Variants in SUSD5 observed in about 807,000 individuals in gnomAD.
SUSD5 encodes the protein sushi domain-containing protein 5.
In SUSD5, 33 loss-of-function variants were observed where a neutral mutation model predicts 29.5. That is an observed-to-expected ratio of 1.12 (90% CI 0.85 to 1.49). SUSD5 has a LOEUF of 1.49. Ranked by LOEUF, SUSD5 falls within the 40% of genes most tolerant of loss-of-function variation. SUSD5 has a pLI of 0.00. For missense variants in SUSD5, 776 were observed against 800.6 expected, an observed-to-expected ratio of 0.97 and a Z score of 0.37; for synonymous variants, 308 against 325.3, an observed-to-expected ratio of 0.95 and a Z score of 0.57.
chr3:33,183,221 T>C (rs1392238013), intron 3 of SUSD5, among the ~76,000 whole-genome samples: 2 of 152,218 alleles, frequency 1.3e-5, no homozygotes, highest in Admixed American at 6.5e-5. Context: ...ATCTAGACCA[T>C]TGATGTCTAA....
At chr3:33,172,875 G>A (rs2031466373) in intron 4 of SUSD5, among the ~76,000 whole-genome samples, 2 of 152,068 alleles carry the variant, frequency 1.3e-5, no homozygotes, top group Admixed American at 1.3e-4. Context: ...GTATTAATCA[G>A]CTAATGACTA....
At chr3:33,159,623 TAA>T (rs1402553269) in intron 4 of SUSD5, among the ~76,000 whole-genome samples, 1 of 152,108 alleles carries the variant, frequency 6.6e-6, no homozygotes, top group Non-Finnish European at 1.5e-5. Flanking sequence ...TGAAAATATC[TAA>T]GTGTTCCAGT....
At chr3:33,180,717 G>A (rs2031651231) in intron 3 of SUSD5, among the ~76,000 whole-genome samples, 1 of 152,026 alleles carries the variant, frequency 6.6e-6, no homozygotes, top group Non-Finnish European at 1.5e-5. Context: ...GTGCATGCCT[G>A]TAATCTCAGT....
At chr3:33,208,558 G>A (rs1454616195) in intron 2 of SUSD5, among the ~76,000 whole-genome samples, 4 of 151,790 alleles carry the variant, frequency 2.6e-5, no homozygotes, top group Admixed American at 1.3e-4. Context: ...CTTTTTATTA[G>A]TTCTGCCCAT....
chr3:33,179,520 T>C (rs959311001), intron 3 of SUSD5, among the ~76,000 whole-genome samples: 4 of 152,186 alleles, frequency 2.6e-5, no homozygotes, highest in African/African-American at 7.2e-5. Flanking sequence ...CTCCTAGATA[T>C]AGGCAGAACC....
intron 3 of SUSD5, among the ~76,000 whole-genome samples, chr3:33,191,552 G>C (rs2031891677): frequency 6.6e-6 from 1 of 152,072 alleles, no homozygotes; most frequent in African/African-American, 2.4e-5. Flanking sequence ...AATATCCTTA[G>C]AATAAAATAC....
intron 2 of SUSD5, among the ~76,000 whole-genome samples, chr3:33,209,317 T>A (rs1445195699): frequency 6.6e-6 from 1 of 152,210 alleles, no homozygotes; most frequent in Non-Finnish European, 1.5e-5. Context: ...TGAATCTGTG[T>A]CTGGATGTTT....
At chr3:33,208,104 A>G (rs12489019) in intron 2 of SUSD5, among the ~76,000 whole-genome samples, 178 bp from the exon 3 acceptor site, 3,091 of 152,312 alleles carry the variant, frequency 0.02, 57 homozygotes, top group East Asian at 0.083. Context: ...TCAGAAATAC[A>G]GGTGATGCTT....
chr3:33,206,524 C>T (rs2032223350), intron 3 of SUSD5, among the ~76,000 whole-genome samples: 1 of 152,044 alleles, frequency 6.6e-6, no homozygotes. Context: ...AGTCACATCT[C>T]TCAGTTGCTT....
intron 4 of SUSD5, among the ~76,000 whole-genome samples, chr3:33,169,559 A>G (rs566180626): frequency 6.6e-6 from 1 of 152,306 alleles, no homozygotes; most frequent in Admixed American, 6.5e-5. Flanking sequence ...ATGGTATGCA[A>G]ATTAAACCCA....
chr3:33,200,781 G>A (rs1201783531), intron 3 of SUSD5, among the ~76,000 whole-genome samples: 5 of 152,184 alleles, frequency 3.3e-5, no homozygotes, highest in Admixed American at 1.3e-4. Flanking sequence ...CAGCAGAAAA[G>A]CAATGCTTGT....
At chr3:33,155,484 G>A (rs1219792270) in intron 4 of SUSD5, among the ~76,000 whole-genome samples, 1 of 152,186 alleles carries the variant, frequency 6.6e-6, no homozygotes. Flanking sequence ...GAACAACCAC[G>A]ATGGAAAACT....
intron 3 of SUSD5, among the ~76,000 whole-genome samples, chr3:33,180,878 C>T (rs1349005776): frequency 2.0e-5 from 3 of 147,712 alleles, no homozygotes; most frequent in Non-Finnish European, 4.5e-5. Flanking sequence ...GACATAGGGT[C>T]TTACTATGTT....
chr3:33,217,733 G>A (rs1003675349), intron 1 of SUSD5, among the ~76,000 whole-genome samples: 1 of 148,616 alleles, frequency 6.7e-6, no homozygotes, highest in Non-Finnish European at 1.5e-5. Flanking sequence ...ACTCAATATC[G>A]TTGGCTAAAC....
At chr3:33,202,030 A>ATCTATCTG (rs2032128879) in intron 3 of SUSD5, among the ~76,000 whole-genome samples, 1 of 137,280 alleles carries the variant, frequency 7.3e-6, no homozygotes, top group Admixed American at 7.1e-5. Flanking sequence ...GAAGTTATCT[A>ATCTATCTG]TCTATCTATC....
intron 3 of SUSD5, among the ~76,000 whole-genome samples, chr3:33,175,634 T>G (rs982821893): frequency 6.6e-6 from 1 of 152,124 alleles, no homozygotes; most frequent in Admixed American, 6.5e-5. Context: ...TTTCTTTTTT[T>G]TACATAAATG....
rs116420854 is a variant in SUSD5, at chr3:33,170,491, C to G, written c.598+4395G>C. On this transcript the variant is annotated intron_variant, in intron 4 of 4. Transcript: ENST00000309558. ...AGTGAACGGTCAAGACAGAAGTCCC[C>G]GTGCTTAAGTGAGAGACTGCATCCC... is the stretch of plus-strand genomic sequence containing the variant. 5.3e-5 allele frequency among the ~76,000 whole-genome samples: 8 copies of G among 152,288 alleles called. No homozygotes were observed. The East Asian group carries it at 1.5e-3, about 29-fold the overall frequency.
At chr3:33,177,048 C>T (rs2031567738) in intron 3 of SUSD5, among the ~76,000 whole-genome samples, 1 of 152,104 alleles carries the variant, frequency 6.6e-6, no homozygotes, top group Non-Finnish European at 1.5e-5. Context: ...TTGTTTTTCT[C>T]CTTCAATATT....
At chr3:33,215,198 A>G (rs761679254) in intron 1 of SUSD5, among the ~76,000 whole-genome samples, 11 of 152,148 alleles carry the variant, frequency 7.2e-5, no homozygotes, top group Non-Finnish European at 1.6e-4. Flanking sequence ...AAAAACAAAA[A>G]AATCCACAAT....
Sources: allele counts gnomAD v4.1 joint callset (sites outside exome capture counted in the v4.1 genomes callset), GRCh38; gene constraint gnomAD v4.1.1; transcripts MANE v1.5; gene names NCBI Gene and HGNC (gene_info 2026-07-23, HGNC 2026-07-21).